Variants in NBPF12 observed in about 807,000 individuals in gnomAD.
The protein encoded by NBPF12 is NBPF member 12, also known as NBPF family member NBPF12.
A neutral mutation model predicts 146.4 loss-of-function variants in NBPF12; 115 were observed. The observed-to-expected ratio is 0.79, with a 90% confidence interval of 0.68 to 0.92. The LOEUF (loss-of-function observed/expected upper bound fraction) is 0.92, where lower values mean the gene tolerates loss of function less well. NBPF12 is among the 40% of genes least tolerant of loss of function. The pLI, the probability that NBPF12 is intolerant of heterozygous loss-of-function variation, is 0.00. For missense variants in NBPF12, 1,205 were observed against 1,326.8 expected (o/e 0.91, Z 1.43); for synonymous variants, 385 against 508.9 (o/e 0.76, Z 3.28).
rs2746932 is a variant in NBPF12, at chr1:146,939,636, T to C, written c.-822+654T>C. 5.5e-3 allele frequency among the ~76,000 whole-genome samples: 834 copies of C among 151,894 alleles called. 9 individuals are homozygous for C. Among genetic ancestry groups the C allele is most frequent in the African/African-American group, 0.018 (743 of 41,192 alleles). ...TGTCTTTCTTTGAGACTTCTTAGAT[T>C]ATCTCATTTGGCGTCCTTTCACCCA... On this transcript the variant is annotated intron_variant, in intron 1 of 35. Coordinates refer to the NBPF12 transcript ENST00000617931.
chr1:146,994,587 TA>T, exon 34 of NBPF12: 1 of 1,607,176 alleles, frequency 6.2e-7, no homozygotes. Context: ...CAGCCCTTAC[TA>T]AGCCGAGAGG....
At chr1:146,967,789 T>G (rs1656301360) in intron 9 of NBPF12, among the ~76,000 whole-genome samples, 2 of 150,628 alleles carry the variant, frequency 1.3e-5, no homozygotes, top group South Asian at 2.1e-4. Context: ...CATGAGCTAT[T>G]TCTTGTCAAT....
intron 13 of NBPF12, among the ~76,000 whole-genome samples, chr1:146,972,292 G>T (rs1158131163): frequency 4.6e-5 from 7 of 151,168 alleles, no homozygotes; most frequent in African/African-American, 2.5e-5. Context: ...TGCTTGGCAG[G>T]CTGAGTGATG....
At chr1:146,969,895 T>C (rs1465609825) in intron 11 of NBPF12, among the ~76,000 whole-genome samples, 31 of 150,758 alleles carry the variant, frequency 2.1e-4, no homozygotes, top group Non-Finnish European at 4.3e-4. Context: ...CTTGTTGGAG[T>C]GAAAAGAGCT....
rs1428879158 is a variant in NBPF12 at position 146,961,787 on chromosome 1, C to T, written c.176-374C>T. On this transcript the variant is annotated intron_variant, in intron 4 of 33. Transcript: ENST00000617844. ...CCCATAGTCCTAGGGGCCTTCCCGA[C>T]TGTACAAGAAATCACTACTTCATGC... Among the ~76,000 whole-genome samples the T allele has an allele frequency of 5.7e-3, 871 of 152,000 alleles. 9 individuals carry two copies. The highest frequency in any genetic ancestry group is 0.02 in the African/African-American group (824 of 41,358).
Position 146,965,192 on chromosome 1 carries a change from A to G in NBPF12, c.778+88A>G, listed in dbSNP as rs1553885476. ...ACAGGCTGTATATACACATATTGTT[A>G]TTGTTTTAGTCAGAAACTAGGATGG... On this transcript the variant is annotated intron_variant, in intron 8 of 33. Transcript: ENST00000617844. The G allele has an allele frequency of 3.7e-4, 309 of 834,130 alleles. 4 individuals carry two copies. In the South Asian group the frequency reaches 4.0e-3, roughly 11 times the overall value. 51.7% of individuals were successfully genotyped at this position (834,130 alleles called of 1,614,324 possible). A position where few individuals can be genotyped will look rare whatever the true frequency, so the allele number is the denominator to read the frequency against.
In NBPF12 at chr1:146,973,577, C is replaced by G. The variant is rs1656797135; in HGVS notation, c.1801+617C>G. ...GGCTGAGGCGAGTAGAGCACGAGGT[C>G]AGGAGTTTGAGACCAGCCTGGGCAA... On this transcript the variant is annotated intron_variant, in intron 14 of 33. Transcript: ENST00000617844. 7.4e-5 allele frequency among the ~76,000 whole-genome samples: 11 copies of G among 149,214 alleles called. No individual in the cohort carries two copies. The Admixed American group carries it at 7.4e-4, about 10-fold the overall frequency.
intron 6 of NBPF12, among the ~76,000 whole-genome samples, 172 bp downstream of exon 9, chr1:146,963,481 T>G (rs1236395846): frequency 5.9e-5 from 9 of 151,974 alleles, no homozygotes; most frequent in East Asian, 3.9e-4. Flanking sequence ...AACCCATGGG[T>G]TTGGAGGTCC....
At chr1:146,969,701 C>G (rs1345892158) in intron 11 of NBPF12, 105 bp downstream of exon 14, 7 of 1,566,998 alleles carry the variant, frequency 4.5e-6, no homozygotes, top group Admixed American at 1.7e-5. Flanking sequence ...TTTTTTTCTA[C>G]TACACATGTG....
chr1:146,965,755 G>C (rs1222770006), intron 8 of NBPF12, among the ~76,000 whole-genome samples: 11 of 124,108 alleles, frequency 8.9e-5, no homozygotes, highest in African/African-American at 3.4e-4. Context: ...TTGTGGCACT[G>C]CACTCCAGCC....
exon 8 of NBPF12, chr1:146,965,045 T>C: frequency 3.1e-6 from 5 of 1,608,638 alleles, no homozygotes; most frequent in Non-Finnish European, 4.2e-6. Context: ...AACTCAACTG[T>C]GGTTGTAGAC....
intron 1 of NBPF12, among the ~76,000 whole-genome samples, chr1:146,950,122 G>T (rs1218342560): frequency 8.5e-5 from 13 of 152,176 alleles, no homozygotes; most frequent in South Asian, 2.1e-4. Context: ...AGTAGGACAC[G>T]CACATTCCCC....
chr1:146,971,370 C>A (rs1553886432), exon 13 of NBPF12: 2 of 1,611,362 alleles, frequency 1.2e-6, no homozygotes, highest in Admixed American at 1.7e-5. Context: ...TGATGAATGT[C>A]AGGATGCTCT....
chr1:146,941,797 A>G (rs1365343534), intron 1 of NBPF12, among the ~76,000 whole-genome samples: 1 of 145,748 alleles, frequency 6.9e-6, no homozygotes, highest in Non-Finnish European at 1.5e-5. Context: ...AAAGAAATCA[A>G]TGCCTAGCCT....
At chr1:146,962,095 G>A (rs1187955413) in intron 4 of NBPF12, 66 bp from the exon 8 acceptor site, 11 of 1,509,614 alleles carry the variant, frequency 7.3e-6, no homozygotes, top group Non-Finnish European at 1.0e-5. Flanking sequence ...CTCCTGCCCT[G>A]TAGGCAGTGA....
intron 11 of NBPF12, 125 bp from the exon 15 acceptor site, chr1:146,970,522 A>G: frequency 7.6e-7 from 1 of 1,309,108 alleles, no homozygotes; most frequent in South Asian, 1.2e-5. Context: ...TGAAAGATAA[A>G]ACATGAGAGT....
At chr1:146,938,398 G>A (rs1374675190), upstream of NBPF12, among the ~76,000 whole-genome samples, 2 of 152,116 alleles carry the variant, frequency 1.3e-5, no homozygotes, top group African/African-American at 4.8e-5. Context: ...AGGCTTCCGA[G>A]GGGGTGTGTC....
chr1:146,949,153 A>G (rs1655214103), upstream of NBPF12, among the ~76,000 whole-genome samples: 1 of 151,412 alleles, frequency 6.6e-6, no homozygotes, highest in African/African-American at 2.5e-5. Flanking sequence ...GTCCTCCGGC[A>G]TGGGTCCTCC....
rs1347440975 is a variant in NBPF12 at position 146,981,288 on chromosome 1, A to ATATAT, written c.2451-1640_2451-1639insTATAT. Among the ~76,000 whole-genome samples, 77 of 107,354 alleles carry ATATAT rather than the reference A, an allele frequency of 7.2e-4. 2 individuals carry two copies. Among genetic ancestry groups the ATATAT allele is most frequent in the Middle Eastern group, 4.3e-3 (1 of 230 alleles). The allele number at this position is 107,354 out of a possible 152,430, so 70.4% of individuals were successfully genotyped here. A position where few individuals can be genotyped will look rare whatever the true frequency, so the allele number is the denominator to read the frequency against. The stretch of plus-strand genomic sequence containing the variant: ...AAGACTTAAAGTATTAAAAAAAAAA[A>ATATAT]AAAAAAATATATATATATATATATA... On this transcript the variant is annotated intron_variant, in intron 19 of 33. Coordinates refer to ENST00000617844, the Ensembl canonical transcript of NBPF12.
Sources: gnomAD v4.1 joint callset for allele counts (sites outside exome capture counted in the v4.1 genomes callset) on GRCh38, gnomAD v4.1.1 for gene constraint, MANE v1.5 for transcripts, NCBI Gene and HGNC (gene_info 2026-07-23, HGNC 2026-07-21) for gene names.